The following CHSY3 variants were observed in gnomAD, a reference collection of about 807,000 sequenced individuals.
CHSY3 encodes N-acetylgalactosaminyl-proteoglycan 3-beta-glucuronosyltransferase 3.
A neutral mutation model predicts 67.2 loss-of-function variants in CHSY3; 35 were observed. The ratio of observed to expected loss-of-function variants is 0.52; its 90% confidence interval spans 0.40 to 0.69. The LOEUF (loss-of-function observed/expected upper bound fraction) is 0.69, where lower values mean the gene tolerates loss of function less well. Ranked by LOEUF, CHSY3 falls within the 30% of genes least tolerant of loss-of-function variation. The probability of loss-of-function intolerance (pLI) is 0.00; values close to 1 mark genes in which losing one functional copy is unlikely to be tolerated. For missense variants in CHSY3, 1,069 were observed against 1,138.5 expected (o/e 0.94, Z 0.88); for synonymous variants, 474 against 434.7 (o/e 1.09, Z -1.12).
Position 129,920,175 on chromosome 5 carries a change from A to G in CHSY3, c.1086+11815A>G, listed in dbSNP as rs114514781. Among the ~76,000 whole-genome samples, 598 of 152,278 alleles carry G rather than the reference A, an allele frequency of 3.9e-3. 3 individuals carry two copies. Among genetic ancestry groups the G allele is most frequent in the African/African-American group, 0.013 (549 of 41,544 alleles). ...TATGAGTTCATTTGCTTTAGATTCC[A>G]TGTAGAAGTGAGGACATGTGGTACA... On this transcript the variant is annotated intron_variant, in intron 2 of 2. Transcript: ENST00000305031.
Position 130,073,292 on chromosome 5 carries a change from CT to C in CHSY3, c.1087-110924del, listed in dbSNP as rs529927658. On this transcript the variant is annotated intron_variant, in intron 2 of 2. Transcript: ENST00000305031. ...ACATTTTTGTTCAATTAAAAATAAA[CT>C]TTTTTTTTTTTTAAGACAGAGTTTC... is the stretch of plus-strand genomic sequence containing the variant. Among the ~76,000 whole-genome samples the C allele has an allele frequency of 3.0e-3, 431 of 144,792 alleles. 1 individual carries two copies. Among genetic ancestry groups the C allele is most frequent in the Middle Eastern group, 7.1e-3 (2 of 280 alleles). 95.0% of individuals were successfully genotyped at this position (144,792 alleles called of 152,430 possible).
At chr5:129,963,947 C>T (rs1400071627) in intron 2 of CHSY3, among the ~76,000 whole-genome samples, 1 of 151,760 alleles carries the variant, frequency 6.6e-6, no homozygotes, top group Non-Finnish European at 1.5e-5. Context: ...TGCACATGTC[C>T]TGTAATTCAC....
chr5:130,102,294 T>C (rs1036494286), intron 2 of CHSY3, among the ~76,000 whole-genome samples: 2 of 152,116 alleles, frequency 1.3e-5, no homozygotes, highest in Non-Finnish European at 2.9e-5. Context: ...TATTAACTAA[T>C]TTTGAAAGAG....
chr5:130,149,692 G>A (rs925080288), intron 2 of CHSY3, among the ~76,000 whole-genome samples: 1 of 152,180 alleles, frequency 6.6e-6, no homozygotes, highest in Admixed American at 6.6e-5. Context: ...AAATGAGACT[G>A]AGTATCTAAA....
intron 2 of CHSY3, among the ~76,000 whole-genome samples, chr5:130,036,591 A>T (rs1256584413): frequency 6.6e-6 from 1 of 152,112 alleles, no homozygotes; most frequent in Non-Finnish European, 1.5e-5. Context: ...TTGAGAAAAG[A>T]CCTCAGACCT....
chr5:130,042,683 T>C (rs1029934112), intron 2 of CHSY3, among the ~76,000 whole-genome samples: 21 of 152,102 alleles, frequency 1.4e-4, no homozygotes, highest in Admixed American at 6.6e-4. Flanking sequence ...TGTATAGAAA[T>C]ACATAACAAT....
chr5:130,036,355 TA>T (rs1339125431), intron 2 of CHSY3, among the ~76,000 whole-genome samples: 4 of 152,170 alleles, frequency 2.6e-5, no homozygotes, highest in African/African-American at 4.8e-5. Flanking sequence ...ATCTCTTCCA[TA>T]ACTGTGCTAG....
At chr5:130,058,730 A>C (rs1314938619) in intron 2 of CHSY3, among the ~76,000 whole-genome samples, 1 of 152,238 alleles carries the variant, frequency 6.6e-6, no homozygotes, top group Non-Finnish European at 1.5e-5. Flanking sequence ...TCATATTACC[A>C]CAAACTGGGT....
chr5:130,099,594 A>G (rs1219855951), intron 2 of CHSY3, among the ~76,000 whole-genome samples: 1 of 152,210 alleles, frequency 6.6e-6, no homozygotes, highest in Non-Finnish European at 1.5e-5. Flanking sequence ...CTTTTACATA[A>G]GAGTCATTAC....
chr5:129,980,610 TTTTAAA>T (rs1294660212), intron 2 of CHSY3, among the ~76,000 whole-genome samples: 1 of 152,176 alleles, frequency 6.6e-6, no homozygotes, highest in Non-Finnish European at 1.5e-5. Context: ...GAGCATAAGT[TTTTAAA>T]TTTATCGAAG....
intron 2 of CHSY3, among the ~76,000 whole-genome samples, chr5:130,129,095 C>T (rs1159622316): frequency 6.6e-6 from 1 of 151,982 alleles, no homozygotes; most frequent in African/African-American, 2.4e-5. Context: ...GTCCTATGTG[C>T]CAAGTTTCCT....
At chr5:129,986,191 G>T (rs1456565063) in intron 2 of CHSY3, among the ~76,000 whole-genome samples, 1 of 152,032 alleles carries the variant, frequency 6.6e-6, no homozygotes, top group African/African-American at 2.4e-5. Flanking sequence ...TCATTTTGAG[G>T]TATGTACATT....
intron 2 of CHSY3, among the ~76,000 whole-genome samples, chr5:130,012,017 C>T (rs963957719): frequency 3.9e-5 from 6 of 152,044 alleles, no homozygotes; most frequent in African/African-American, 7.2e-5. Flanking sequence ...AATCAATGGC[C>T]GTACTCCACA....
chr5:130,001,938 G>A lies in CHSY3; in HGVS notation c.1086+93578G>A, dbSNP rs1375436139. On this transcript the variant is annotated intron_variant, in intron 2 of 2. Transcript: ENST00000305031. ...AAATTCTGGCTAGTTCCTTTAAGAT[G>A]TTAATTAATATGTCAGCCAATCCTT... 4.7e-6 allele frequency: 4 copies of A among 850,896 alleles called. No individual in the cohort carries two copies. The African/African-American group carries it at 5.5e-5, about 12-fold the overall frequency. The allele number at this position is 850,896 out of a possible 1,614,324, so 52.7% of individuals were successfully genotyped here.
At chr5:129,934,211 T>G (rs1172891662) in intron 2 of CHSY3, among the ~76,000 whole-genome samples, 1 of 152,118 alleles carries the variant, frequency 6.6e-6, no homozygotes, top group African/African-American at 2.4e-5. Flanking sequence ...GCTTATGACA[T>G]AATATGTGAA....
At chr5:130,087,587 A>C (rs1766696549) in intron 2 of CHSY3, among the ~76,000 whole-genome samples, 1 of 151,720 alleles carries the variant, frequency 6.6e-6, no homozygotes, top group East Asian at 1.9e-4. Context: ...ACAAACAGAG[A>C]GCCAAATCAT....
intron 2 of CHSY3, among the ~76,000 whole-genome samples, chr5:130,156,190 C>T (rs373333587): frequency 4.6e-5 from 7 of 152,216 alleles, no homozygotes; most frequent in South Asian, 2.1e-4. Context: ...TAAAGAGAGA[C>T]GTTCAAGTTA....
chr5:129,950,042 T>C (rs898310759), intron 2 of CHSY3, among the ~76,000 whole-genome samples: 5 of 151,814 alleles, frequency 3.3e-5, no homozygotes, highest in African/African-American at 9.7e-5. Context: ...CAGGCGCCTG[T>C]AGTCTCAGCT....
chr5:130,148,286 A>T lies in CHSY3; in HGVS notation c.1087-35943A>T, dbSNP rs188169649. On this transcript the variant is annotated intron_variant, in intron 2 of 2. Coordinates refer to ENST00000305031, the MANE Select transcript of CHSY3 (RefSeq NM_175856.5). ...GGTGTATATGTACCACATTTTCTTT[A>T]TTAGTCTATCATTTATAGGCACTTA... 1.2e-3 allele frequency among the ~76,000 whole-genome samples: 185 copies of T among 152,104 alleles called. 1 individual carries two copies. Among genetic ancestry groups the T allele is most frequent in the African/African-American group, 4.2e-3 (175 of 41,492 alleles).
Sources: allele counts gnomAD v4.1 joint callset (sites outside exome capture counted in the v4.1 genomes callset), GRCh38; gene constraint gnomAD v4.1.1; transcripts MANE v1.5; gene names NCBI Gene and HGNC (gene_info 2026-07-23, HGNC 2026-07-21).